The following FAM178B variants were observed in gnomAD, a reference collection of about 807,000 sequenced individuals.
The protein encoded by FAM178B is protein FAM178B.
FAM178B carries 82 observed loss-of-function variants against 91.7 expected under a neutral mutation model. The observed-to-expected ratio is 0.89, with a 90% CI of 0.75 to 1.07. The LOEUF (loss-of-function observed/expected upper bound fraction) is 1.07, where lower values mean the gene tolerates loss of function less well. FAM178B is among the 50% of genes least tolerant of loss of function. The pLI, the probability that FAM178B is intolerant of heterozygous loss-of-function variation, is 0.00. For missense variants in FAM178B, 769 were observed against 846.7 expected (o/e 0.91, Z 1.14); for synonymous variants, 368 against 359.4 (o/e 1.02, Z -0.27).
intron 6 of FAM178B, among the ~76,000 whole-genome samples, chr2:96,958,697 T>TAAAAAAAAAAAAA (rs55924441): frequency 1.4e-4 from 8 of 55,534 alleles, no homozygotes; most frequent in Non-Finnish European, 1.8e-4. Context: ...CTCAAAATAC[T>TAAAAAAAAAAAAA]AAAAAAAAAA....
At chr2:96,944,775 G>A (rs1006938798) in intron 8 of FAM178B, among the ~76,000 whole-genome samples, 2 of 152,290 alleles carry the variant, frequency 1.3e-5, no homozygotes, top group African/African-American at 4.8e-5. Flanking sequence ...CCAGACCTGC[G>A]TTTACCTGCA....
At chr2:96,909,888 G>A (rs2081122568) in intron 12 of FAM178B, among the ~76,000 whole-genome samples, 2 of 152,118 alleles carry the variant, frequency 1.3e-5, no homozygotes, top group African/African-American at 4.8e-5. Flanking sequence ...CCTGTGAGTG[G>A]AGACAGAACT....
chr2:96,925,171 G>A (rs1044753376), intron 9 of FAM178B, among the ~76,000 whole-genome samples: 4 of 152,170 alleles, frequency 2.6e-5, no homozygotes, highest in Non-Finnish European at 5.9e-5. Flanking sequence ...AGGTGGGTGT[G>A]CTTTCAGGTT....
chr2:96,907,640 C>T (rs1469640326), intron 12 of FAM178B, among the ~76,000 whole-genome samples: 4 of 152,230 alleles, frequency 2.6e-5, no homozygotes, highest in African/African-American at 7.2e-5. Context: ...TCAGAGGAGT[C>T]GAAGGCACTG....
intron 12 of FAM178B, among the ~76,000 whole-genome samples, chr2:96,907,526 G>A (rs1386750797): frequency 2.0e-5 from 3 of 152,190 alleles, no homozygotes; most frequent in African/African-American, 7.2e-5. Flanking sequence ...TCCAGCCCTG[G>A]CGTGCACCAG....
At chr2:96,937,711 CAG>C in intron 8 of FAM178B, among the ~76,000 whole-genome samples, 1 of 152,162 alleles carries the variant, frequency 6.6e-6, no homozygotes, top group Admixed American at 6.5e-5. Context: ...ATCCTCTGAT[CAG>C]AGTCTAAAAG....
At chr2:96,972,459 C>G in intron 2 of FAM178B, 79 bp downstream of exon 2, 23 of 1,516,372 alleles carry the variant, frequency 1.5e-5, no homozygotes, top group Non-Finnish European at 2.1e-5. Flanking sequence ...CAAGGGAAAT[C>G]CTTCAGCCAT....
chr2:96,986,293 A>T lies in FAM178B; in HGVS notation c.21T>A (p.Gly7=). ...TCCTGAGTTGTGGAGCGAGGCCCGC[A>T]CCTGGAAGCCTTGGCCACATAGGGC... MWPRLP[G]AGLAPQLRRQ... Residue 7 remains glycine, a synonymous_variant, in exon 1 of 17, where the codon GGT becomes GGA. Coordinates refer to ENST00000490605, the MANE Select transcript of FAM178B (RefSeq NM_001122646.3). 1 of 1,534,294 alleles carries T rather than the reference A, an allele frequency of 6.5e-7. No homozygotes were observed. Among genetic ancestry groups the T allele is most frequent in the Non-Finnish European group, 8.7e-7 (1 of 1,146,730 alleles).
chr2:96,923,626 G>C, intron 9 of FAM178B, 43 bp from the exon 10 acceptor site: 1 of 1,469,526 alleles, frequency 6.8e-7, no homozygotes, highest in South Asian at 1.2e-5. Flanking sequence ...ACCCAGGAGG[G>C]GGCACAGGGG....
intron 8 of FAM178B, among the ~76,000 whole-genome samples, chr2:96,946,495 C>T (rs2081831273): frequency 6.6e-6 from 1 of 152,210 alleles, no homozygotes; most frequent in African/African-American, 2.4e-5. Flanking sequence ...GTCCCTGGTC[C>T]CCTGGGCAGG....
chr2:96,888,573 G>C (rs1408713117), intron 14 of FAM178B, among the ~76,000 whole-genome samples: 3 of 152,210 alleles, frequency 2.0e-5, no homozygotes, highest in Non-Finnish European at 4.4e-5. Context: ...CCTGCAGTGA[G>C]AGCCAGGCCT....
intron 9 of FAM178B, among the ~76,000 whole-genome samples, chr2:96,927,074 C>T (rs764142521): frequency 2.0e-5 from 3 of 152,172 alleles, no homozygotes; most frequent in Non-Finnish European, 1.5e-5. Flanking sequence ...GATAGCCTGC[C>T]GTGGGGTTTC....
At position 96,910,797 on chromosome 2, in the gene FAM178B, ATTTTT is replaced by A. The variant is rs200071141; in HGVS notation, c.1563-8095_1563-8091del. On this transcript the variant is annotated intron_variant, in intron 12 of 16. Coordinates refer to ENST00000490605, the MANE Select transcript of FAM178B (RefSeq NM_001122646.3). ...CCCACCTGAGACATCTCTCTTCTTAATTTTTTTTTTTTTTTTTTTGAGACAGTCTT... is the reference window on the plus strand; with the variant it reads ...CCCACCTGAGACATCTCTCTTCTTAATTTTTTTTTTTTTTGAGACAGTCTT... 5.1e-5 allele frequency among the ~76,000 whole-genome samples: 7 copies of A among 136,220 alleles called. No individual in the cohort carries two copies. In the East Asian group the frequency reaches 1.5e-3, roughly 29 times the overall value. 89.4% of individuals were successfully genotyped at this position (136,220 alleles called of 152,430 possible).
At chr2:96,958,552 C>T (rs990424979) in intron 6 of FAM178B, among the ~76,000 whole-genome samples, 6 of 151,388 alleles carry the variant, frequency 4.0e-5, no homozygotes, top group African/African-American at 1.2e-4. Context: ...TAACCTAGAG[C>T]GGTGGCACAC....
intron 8 of FAM178B, among the ~76,000 whole-genome samples, chr2:96,935,534 A>G (rs72942963): frequency 0.013 from 1,910 of 152,160 alleles, 50 homozygotes; most frequent in African/African-American, 0.044. Context: ...CCAAGTTTGG[A>G]AAGCAAAAGG....
intron 12 of FAM178B, among the ~76,000 whole-genome samples, chr2:96,914,345 G>A (rs921149188): frequency 6.6e-6 from 1 of 152,192 alleles, no homozygotes; most frequent in African/African-American, 2.4e-5. Context: ...ACCAACGTGC[G>A]GGCATGAGGG....
chr2:96,979,860 T>C (rs1007574676), intron 1 of FAM178B, among the ~76,000 whole-genome samples: 2 of 152,250 alleles, frequency 1.3e-5, no homozygotes, highest in African/African-American at 4.8e-5. Context: ...CTGAGTCACA[T>C]TTCTGTTGAG....
At chr2:96,904,453 C>T (rs562624836) in intron 12 of FAM178B, among the ~76,000 whole-genome samples, 36 of 152,082 alleles carry the variant, frequency 2.4e-4, no homozygotes, top group Non-Finnish European at 2.6e-4. Context: ...CTCACTGTAA[C>T]CTCTGCCTCC....
chr2:96,977,396 A>T (rs1223191433), intron 1 of FAM178B, among the ~76,000 whole-genome samples: 1 of 150,000 alleles, frequency 6.7e-6, no homozygotes, highest in African/African-American at 2.4e-5. Flanking sequence ...AAAAAAAAAA[A>T]AAAAAAAGAA....
Sources: allele counts gnomAD v4.1 joint callset (sites outside exome capture counted in the v4.1 genomes callset), GRCh38; gene constraint gnomAD v4.1.1; transcripts MANE v1.5; gene names NCBI Gene and HGNC (gene_info 2026-07-23, HGNC 2026-07-21).